The following MSR1 variants were observed in gnomAD, a reference collection of about 807,000 sequenced individuals.
MSR1 encodes macrophage scavenger receptor 1, also known as macrophage scavenger receptor types I and II.
MSR1 carries 53 observed loss-of-function variants against 47.2 expected under a neutral mutation model. The ratio of observed to expected loss-of-function variants is 1.12; its 90% CI spans 0.90 to 1.41. The LOEUF (loss-of-function observed/expected upper bound fraction) is 1.41, where lower values mean the gene tolerates loss of function less well. Among genes scored for constraint, MSR1 ranks in the 40% most tolerant of loss-of-function variants. The pLI is 0.00. For synonymous variants in MSR1, 239 were observed against 185.6 expected (o/e 1.29, Z -2.34); for missense variants, 786 against 546.9 (o/e 1.44, Z -4.36).
chr8:16,113,839 C>T lies in MSR1; in HGVS notation c.1223-3621G>A, dbSNP rs867432883. Among the ~76,000 whole-genome samples, 23 of 152,164 alleles carry T rather than the reference C, an allele frequency of 1.5e-4. 1 individual carries two copies. The highest frequency in any genetic ancestry group is 6.8e-3 in the Middle Eastern group (2 of 294). On this transcript the variant is annotated intron_variant, in intron 9 of 9. Coordinates refer to ENST00000262101, the MANE Select transcript of MSR1 (RefSeq NM_138715.3). Reference sequence around the variant, plus strand: ...AGGATGTTCCATCTGGTGGAGAAAGCATGGTATGAGAGAAAGGTTAAGGCA... The same window carrying T: ...AGGATGTTCCATCTGGTGGAGAAAGTATGGTATGAGAGAAAGGTTAAGGCA...
chr8:16,191,876 G>C lies in MSR1; in HGVS notation c.-5+722C>G, dbSNP rs375056656. Among the ~76,000 whole-genome samples, 7 of 152,254 alleles carry C rather than the reference G, an allele frequency of 4.6e-5. No homozygotes were observed. The East Asian group carries it at 1.2e-3, about 25-fold the overall frequency. ...ATCAGATTTCTAGCATCTCCATGAAGATTTATTTTTGATAGACTTTTTTCA... is the reference window on the plus strand; with the variant it reads ...ATCAGATTTCTAGCATCTCCATGAACATTTATTTTTGATAGACTTTTTTCA... On this transcript the variant is annotated intron_variant, in intron 1 of 9. Transcript: ENST00000262101.
intron 9 of MSR1, among the ~76,000 whole-genome samples, chr8:16,116,394 C>T (rs1164593501): frequency 6.6e-6 from 1 of 152,030 alleles, no homozygotes; most frequent in African/African-American, 2.4e-5. Flanking sequence ...TAAAAGGAAA[C>T]CAAAATCCTG....
chr8:16,117,167 G>A (rs375240655), intron 9 of MSR1, among the ~76,000 whole-genome samples: 15 of 152,192 alleles, frequency 9.9e-5, no homozygotes, highest in African/African-American at 2.2e-4. Context: ...ATTTACTGCC[G>A]CTCCCTATCA....
In MSR1 at chr8:16,150,201, C is replaced by A. The variant is rs766000472; in HGVS notation, c.979+30G>T. The A allele has an allele frequency of 4.0e-5, 41 of 1,018,280 alleles. 1 individual carries two copies. In the South Asian group the frequency reaches 8.1e-4, roughly 20 times the overall value. The allele number at this position is 1,018,280 out of a possible 1,614,324, so 63.1% of individuals were successfully genotyped here. A position where few individuals can be genotyped will look rare whatever the true frequency, so the allele number is the denominator to read the frequency against. On this transcript the variant is annotated intron_variant, in intron 7 of 9. Coordinates refer to ENST00000262101, the MANE Select transcript of MSR1 (RefSeq NM_138715.3). ...TTATCTGGTGTTTCTTCTACATATT[C>A]TATAAAGAAAATACACATTATTGTA...
At chr8:16,124,714 G>T (rs1321642666) in intron 8 of MSR1, among the ~76,000 whole-genome samples, 1 of 152,010 alleles carries the variant, frequency 6.6e-6, no homozygotes, top group Non-Finnish European at 1.5e-5. Flanking sequence ...AAACTTGTTT[G>T]TTTTCCCCAG....
intron 6 of MSR1, among the ~76,000 whole-genome samples, 170 bp from the exon 7 acceptor site, chr8:16,150,481 C>G (rs550343905): frequency 6.6e-6 from 1 of 151,586 alleles, no homozygotes; most frequent in Admixed American, 6.6e-5. Context: ...ACAATAGAAG[C>G]GATAAATATA....
At chr8:16,153,485 G>C (rs1401429432) in intron 6 of MSR1, among the ~76,000 whole-genome samples, 1 of 151,754 alleles carries the variant, frequency 6.6e-6, no homozygotes, top group Non-Finnish European at 1.5e-5. Flanking sequence ...GTGTAAATGA[G>C]CAGTACCAAA....
chr8:16,153,093 G>C (rs550138194), intron 6 of MSR1, among the ~76,000 whole-genome samples: 1 of 151,950 alleles, frequency 6.6e-6, no homozygotes, highest in Non-Finnish European at 1.5e-5. Context: ...CAACCACTTA[G>C]GTTTTGCAGA....
intron 5 of MSR1, among the ~76,000 whole-genome samples, chr8:16,158,110 C>CA (rs974363744): frequency 1.3e-5 from 2 of 151,126 alleles, no homozygotes; most frequent in Admixed American, 6.6e-5. Flanking sequence ...TGATACATGT[C>CA]AAAAAAAATG....
intron 5 of MSR1, among the ~76,000 whole-genome samples, chr8:16,158,386 A>T (rs7817978): frequency 0.3 from 45,073 of 151,810 alleles, 8,077 homozygotes; most frequent in Non-Finnish European, 0.41. Flanking sequence ...GATAATCATC[A>T]ATATCATAGA....
chr8:16,120,433 C>G lies in MSR1; in HGVS notation c.1207G>C (p.Ala403Pro). The G allele has an allele frequency of 6.2e-7, 1 of 1,613,758 alleles. No homozygotes were observed. Among genetic ancestry groups the G allele is most frequent in the Non-Finnish European group, 8.5e-7 (1 of 1,179,854 alleles). Residue 403 changes from alanine to proline, a missense_variant, in exon 9 of 10, where the codon GCT becomes CCT. Transcript: ENST00000262101. ...TTTAAATTACCTTGTCCAAAGTGAGCTGCCTTGTGCACGGCTTGAACACCT... is the reference window on the plus strand; with the variant it reads ...TTTAAATTACCTTGTCCAAAGTGAGGTGCCTTGTGCACGGCTTGAACACCT... ...YPGVQAVHKAAHFGQGTGPIW... is the reference protein window; with the variant it reads ...YPGVQAVHKAPHFGQGTGPIW...
chr8:16,135,827 G>A (rs1485114892), intron 8 of MSR1, among the ~76,000 whole-genome samples: 2 of 152,106 alleles, frequency 1.3e-5, no homozygotes, highest in African/African-American at 4.8e-5. Context: ...CCTCATGAAT[G>A]ACTGTGAGGG....
intron 1 of MSR1, among the ~76,000 whole-genome samples, chr8:16,190,312 T>C (rs1802161615): frequency 6.6e-6 from 1 of 152,188 alleles, no homozygotes; most frequent in Non-Finnish European, 1.5e-5. Flanking sequence ...TCTACTGTCT[T>C]AGTGATCTTT....
intron 7 of MSR1, 50 bp from the exon 8 acceptor site, chr8:16,143,661 GTTTGC>G: frequency 7.0e-7 from 1 of 1,435,324 alleles, no homozygotes; most frequent in Non-Finnish European, 9.8e-7. Flanking sequence ...AATTCACAAT[GTTTGC>G]TTTAACTGGA....
At chr8:16,143,518 T>C (rs1363074261) in intron 8 of MSR1, 40 bp downstream of exon 8, 3 of 1,569,158 alleles carry the variant, frequency 1.9e-6, no homozygotes, top group Non-Finnish European at 2.6e-6. Flanking sequence ...ACTTACTTAT[T>C]ACAAGAATTC....
chr8:16,178,888 A>C lies in MSR1; in HGVS notation c.-4-896T>G, dbSNP rs538857364. 2.6e-5 allele frequency among the ~76,000 whole-genome samples: 4 copies of C among 152,308 alleles called. No homozygotes were observed. In the East Asian group the frequency reaches 7.7e-4, roughly 29 times the overall value. On this transcript the variant is annotated intron_variant, in intron 1 of 9. Coordinates refer to ENST00000262101, the MANE Select transcript of MSR1 (RefSeq NM_138715.3). The stretch of plus-strand genomic sequence containing the variant: ...GAGCATTTAAAAAAAAATGAAACGG[A>C]ATCTATATTCTATGACACAATCTGT...
At chr8:16,180,035 A>G (rs1161995037) in intron 1 of MSR1, among the ~76,000 whole-genome samples, 3 of 151,792 alleles carry the variant, frequency 2.0e-5, no homozygotes, top group African/African-American at 7.3e-5. Flanking sequence ...CCTGACCTCA[A>G]GTCTGCCTCC....
chr8:16,190,557 T>C (rs1055944212), intron 1 of MSR1, among the ~76,000 whole-genome samples: 22 of 152,158 alleles, frequency 1.4e-4, no homozygotes, highest in Non-Finnish European at 3.1e-4. Context: ...TATCTATTCA[T>C]ATTCACTGCT....
At chr8:16,184,369 T>C (rs568637322) in intron 1 of MSR1, among the ~76,000 whole-genome samples, 1 of 152,236 alleles carries the variant, frequency 6.6e-6, no homozygotes, top group Admixed American at 6.6e-5. Flanking sequence ...TGTTCAATTT[T>C]CTTGAGTACC....
Sources: allele counts gnomAD v4.1 joint callset (sites outside exome capture counted in the v4.1 genomes callset), GRCh38; gene constraint gnomAD v4.1.1; transcripts MANE v1.5; gene names NCBI Gene and HGNC (gene_info 2026-07-23, HGNC 2026-07-21).